Variants in CDH18 observed in about 807,000 individuals in gnomAD.
CDH18 encodes the protein cadherin 18.
In CDH18, 31 loss-of-function variants were observed where a neutral mutation model predicts 67.9. That is an observed-to-expected ratio of 0.46 (90% CI 0.34 to 0.62). CDH18 has a LOEUF of 0.62. Ranked by LOEUF, CDH18 falls within the 20% of genes least tolerant of loss-of-function variation. CDH18 has a pLI of 0.01. For missense variants in CDH18, 890 were observed against 975.5 expected (o/e 0.91, Z 1.17); for synonymous variants, 362 against 347.2 (o/e 1.04, Z -0.48).
At chr5:20,084,698 T>G in intron 2 of CDH18, among the ~76,000 whole-genome samples, 1 of 152,188 alleles carries the variant, frequency 6.6e-6, no homozygotes, top group East Asian at 1.9e-4. Flanking sequence ...CCTCAATTCT[T>G]GACTTCTGTG....
At chr5:20,004,883 G>C (rs890905540) in intron 2 of CDH18, among the ~76,000 whole-genome samples, 1 of 151,978 alleles carries the variant, frequency 6.6e-6, no homozygotes, top group Non-Finnish European at 1.5e-5. Flanking sequence ...AAAATAAAAA[G>C]TAAATTTGAA....
At chr5:20,000,268 A>C (rs1350505566) in intron 2 of CDH18, among the ~76,000 whole-genome samples, 1 of 152,174 alleles carries the variant, frequency 6.6e-6, no homozygotes, top group Non-Finnish European at 1.5e-5. Context: ...GTTGATTAGC[A>C]CTCTGATGGT....
chr5:20,037,544 T>C (rs1348115895), intron 2 of CDH18, among the ~76,000 whole-genome samples: 1 of 151,996 alleles, frequency 6.6e-6, no homozygotes, highest in Non-Finnish European at 1.5e-5. Flanking sequence ...GAATTCAGGA[T>C]TAAGAAACTC....
intron 5 of CDH18, among the ~76,000 whole-genome samples, chr5:19,672,220 G>T (rs1758846913): frequency 6.6e-6 from 1 of 152,050 alleles, no homozygotes; most frequent in Non-Finnish European, 1.5e-5. Context: ...GTTATAAGAG[G>T]CCAAAGGCAG....
At chr5:19,490,667 C>T (rs751176762) in intron 11 of CDH18, among the ~76,000 whole-genome samples, 6 of 151,906 alleles carry the variant, frequency 3.9e-5, no homozygotes, top group Non-Finnish European at 8.8e-5. Flanking sequence ...CACACCTCAG[C>T]CTCCCAAAGT....
chr5:19,531,453 A>C (rs1050929968), intron 9 of CDH18, among the ~76,000 whole-genome samples: 1 of 152,208 alleles, frequency 6.6e-6, no homozygotes, highest in Non-Finnish European at 1.5e-5. Context: ...CCCTGGCAAC[A>C]CATGCGGAAG....
chr5:19,682,546 T>C (rs1236819660), intron 5 of CDH18, among the ~76,000 whole-genome samples: 2 of 152,090 alleles, frequency 1.3e-5, no homozygotes, highest in Non-Finnish European at 2.9e-5. Flanking sequence ...TAAGCTTTTA[T>C]GTTCTATTAA....
intron 5 of CDH18, among the ~76,000 whole-genome samples, chr5:19,629,863 CA>C (rs1752147913): frequency 6.6e-6 from 1 of 151,746 alleles, no homozygotes; most frequent in Non-Finnish European, 1.5e-5. Flanking sequence ...CAACATATCA[CA>C]AAAGTGAAGA....
intron 11 of CDH18, among the ~76,000 whole-genome samples, chr5:19,500,938 C>A (rs566307450): frequency 5.3e-5 from 8 of 151,882 alleles, no homozygotes; most frequent in African/African-American, 1.7e-4. Context: ...TGAGACCAAC[C>A]TGGCCAACAT....
intron 1 of CDH18, among the ~76,000 whole-genome samples, chr5:20,345,657 C>T (rs1425374741): frequency 6.6e-6 from 1 of 151,974 alleles, no homozygotes; most frequent in Non-Finnish European, 1.5e-5. Context: ...ACCCACCTAA[C>T]CCAGGATATA....
At chr5:19,670,173 C>T (rs1229393745) in intron 5 of CDH18, among the ~76,000 whole-genome samples, 1 of 151,912 alleles carries the variant, frequency 6.6e-6, no homozygotes. Flanking sequence ...AAAAATAAGG[C>T]TTATATTGGT....
At chr5:19,673,643 A>C (rs1759068884) in intron 5 of CDH18, among the ~76,000 whole-genome samples, 1 of 152,066 alleles carries the variant, frequency 6.6e-6, no homozygotes, top group Non-Finnish European at 1.5e-5. Flanking sequence ...AAGTAACTTC[A>C]ACCAGCTTTC....
intron 9 of CDH18, among the ~76,000 whole-genome samples, chr5:19,541,932 A>G (rs1750351900): frequency 6.6e-6 from 1 of 152,136 alleles, no homozygotes; most frequent in Admixed American, 6.5e-5. Flanking sequence ...CCGCCATTTA[A>G]TTTGTTCTTA....
At position 20,016,933 on chromosome 5, in the gene CDH18, G is replaced by A. The variant is rs189733959; in HGVS notation, c.-517-24919C>T. Among the ~76,000 whole-genome samples the A allele has an allele frequency of 5.2e-4, 79 of 152,266 alleles. No homozygotes were observed. In the Middle Eastern group the frequency reaches 0.014, roughly 26 times the overall value. ...AAAGTACCATGAATGTACATTTGTA[G>A]TAATAGTGCCTTTCATTTAGTTTTC... On this transcript the variant is annotated intron_variant, in intron 2 of 14. Coordinates refer to the CDH18 transcript ENST00000507958.
intron 2 of CDH18, among the ~76,000 whole-genome samples, chr5:19,965,291 T>A (rs114586812): frequency 6.6e-6 from 1 of 152,324 alleles, no homozygotes; most frequent in African/African-American, 2.4e-5. Flanking sequence ...ATAAGTCTTA[T>A]GTGTATACAA....
intron 2 of CDH18, among the ~76,000 whole-genome samples, chr5:19,972,923 A>G (rs1798165119): frequency 6.6e-6 from 1 of 151,976 alleles, no homozygotes; most frequent in Non-Finnish European, 1.5e-5. Context: ...TAAATTATCC[A>G]TTCTACTACT....
intron 2 of CDH18, among the ~76,000 whole-genome samples, chr5:19,904,129 C>G (rs1189211020): frequency 6.6e-6 from 1 of 151,474 alleles, no homozygotes; most frequent in Non-Finnish European, 1.5e-5. Flanking sequence ...CAAAAATTAG[C>G]CAGGCTTGGT....
chr5:19,504,889 A>G (rs775471022), intron 10 of CDH18, among the ~76,000 whole-genome samples: 3 of 152,082 alleles, frequency 2.0e-5, no homozygotes, highest in Non-Finnish European at 4.4e-5. Flanking sequence ...TAACTGAGCC[A>G]GTTTATGGTT....
At chr5:19,885,962 G>A (rs1056199152) in intron 2 of CDH18, among the ~76,000 whole-genome samples, 1 of 152,198 alleles carries the variant, frequency 6.6e-6, no homozygotes, top group Non-Finnish European at 1.5e-5. Context: ...TTGAGAGTGT[G>A]TGAGACCAAA....
Sources: gnomAD v4.1 joint callset for allele counts (sites outside exome capture counted in the v4.1 genomes callset) on GRCh38, gnomAD v4.1.1 for gene constraint, MANE v1.5 for transcripts, NCBI Gene and HGNC (gene_info 2026-07-23, HGNC 2026-07-21) for gene names.